Variants in MAPK6 observed in about 807,000 individuals in gnomAD.
The protein encoded by MAPK6 is mitogen-activated protein kinase 6, also known as ERK-3.
Under a neutral mutation model 59.3 loss-of-function variants are expected in MAPK6, and 19 were observed. The observed-to-expected ratio is 0.32, with a 90% CI of 0.22 to 0.47. MAPK6 has a LOEUF of 0.47. Ranked by LOEUF, MAPK6 falls within the 20% of genes least tolerant of loss-of-function variation. MAPK6 has a pLI of 1.00. For synonymous variants in MAPK6, 316 were observed against 290.3 expected (o/e 1.09, Z -0.90); for missense variants, 724 against 847.9 (o/e 0.85, Z 1.81).
chr15:51,975,695 G>A (rs2057155346), intron 1 of MAPK6, among the ~76,000 whole-genome samples: 1 of 151,768 alleles, frequency 6.6e-6, no homozygotes, highest in South Asian at 2.1e-4. Flanking sequence ...ATGGTAAACT[G>A]CCACTCCACA....
At chr15:52,007,774 C>T (rs2029941364) in intron 3 of MAPK6, among the ~76,000 whole-genome samples, 2 of 150,052 alleles carry the variant, frequency 1.3e-5, no homozygotes, top group Admixed American at 1.3e-4. Context: ...TTAGCTCTTA[C>T]ATATATATAT....
chr15:52,020,657 G>A (rs1221051608), intron 1 of MAPK6, among the ~76,000 whole-genome samples: 1 of 152,118 alleles, frequency 6.6e-6, no homozygotes, highest in African/African-American at 2.4e-5. Flanking sequence ...AAGAATGTAG[G>A]GTCCAAACAG....
rs575723494 is a variant in MAPK6 at position 52,029,461 on chromosome 15, A to G, written c.-632+10085A>G. Reference sequence around the variant, plus strand: ...GGTCTCATTCAACTCATTGTTTTAAATGCCATCTGTATGTGAATAATTCTC... The same window carrying G: ...GGTCTCATTCAACTCATTGTTTTAAGTGCCATCTGTATGTGAATAATTCTC... On this transcript the variant is annotated intron_variant, in intron 1 of 5. Coordinates refer to ENST00000261845, the MANE Select transcript of MAPK6 (RefSeq NM_002748.4). Among the ~76,000 whole-genome samples the G allele has an allele frequency of 9.2e-5, 14 of 152,110 alleles. No individual in the cohort carries two copies. The East Asian group carries it at 2.7e-3, about 29-fold the overall frequency.
Position 52,063,952 on chromosome 15 carries a change from TTGATATTGA to T in MAPK6, c.1122_1130del (p.Asp374_Asp376del). ...CATGATTGGCCTGTACATAACAACTTTGATATTGATGAAGTTCAGCTTGATCCAAGAGCT... is the reference window on the plus strand; with the variant it reads ...CATGATTGGCCTGTACATAACAACTTTGAAGTTCAGCTTGATCCAAGAGCT... On this transcript the variant is annotated inframe_deletion, in exon 6 of 6. Transcript: ENST00000261845. The T allele has an allele frequency of 6.2e-7, 1 of 1,602,154 alleles. No individual in the cohort carries two copies. The highest frequency in any genetic ancestry group is 8.5e-7 in the Non-Finnish European group (1 of 1,174,452).
At chr15:51,971,851 C>T (rs2057127727) in exon 1 of MAPK6, 2 of 1,238,674 alleles carry the variant, frequency 1.6e-6, no homozygotes, top group Middle Eastern at 1.9e-4. Context: ...GCCGAAGACA[C>T]TCCTTTCCTT....
intron 2 of MAPK6, among the ~76,000 whole-genome samples, chr15:51,984,447 ATTTTTTTTTTTTTTTT>A (rs71130112): frequency 2.9e-5 from 2 of 69,984 alleles, no homozygotes; most frequent in African/African-American, 6.6e-5. Context: ...ACGCCGGCTA[ATTTTTTTTTTTTTTTT>A]TTTTTTTTTT....
At chr15:52,007,741 C>G (rs1363519252) in intron 3 of MAPK6, among the ~76,000 whole-genome samples, 1 of 150,716 alleles carries the variant, frequency 6.6e-6, no homozygotes, top group African/African-American at 2.4e-5. Flanking sequence ...GTGGACTCAC[C>G]AAAATGACAT....
intron 3 of MAPK6, among the ~76,000 whole-genome samples, chr15:52,013,395 C>T (rs1194076600): frequency 2.0e-5 from 3 of 151,894 alleles, no homozygotes; most frequent in Non-Finnish European, 2.9e-5. Flanking sequence ...GTTTGTATTG[C>T]GAAACTCTAT....
chr15:52,019,994 C>T (rs1033464719), intron 1 of MAPK6: 1 of 152,530 alleles, frequency 6.6e-6, no homozygotes, highest in Non-Finnish European at 1.5e-5. Context: ...TCTCAGAGCC[C>T]TGAAGTCCGC....
At position 52,065,159 on chromosome 15, in the gene MAPK6, A is replaced by T. The variant is rs1470617149; in HGVS notation, c.*159A>T. On this transcript the variant is annotated 3_prime_UTR_variant, in exon 6 of 6. Transcript: ENST00000261845. ...TAAAATCCAGACTTTCTTTTTCTAC[A>T]TGTGAGATAGTTTTCATTTTAACTG... The T allele has an allele frequency of 3.1e-6, 2 of 638,184 alleles. No homozygotes were observed. Among genetic ancestry groups the T allele is most frequent in the Non-Finnish European group, 2.5e-6 (1 of 406,462 alleles). 39.5% of individuals were successfully genotyped at this position (638,184 alleles called of 1,614,324 possible).
In MAPK6 at chr15:52,046,568, T is replaced by C; in HGVS notation, c.108T>C (p.Ser36=). Residue 36 remains serine, a synonymous_variant, in exon 2 of 6, where the codon TCT becomes TCC. Transcript: ENST00000261845. ...GTGGAGGCAATGGCTTGGTTTTTTC[T>C]GCTGTAGACAATGACTGTGACAAAA... ...LGCGGNGLVF[S]AVDNDCDKRV... 1.2e-6 allele frequency: 2 copies of C among 1,614,168 alleles called. No homozygotes were observed. The highest frequency in any genetic ancestry group is 2.2e-5 in the East Asian group (1 of 44,884).
At chr15:52,009,611 G>T (rs2029995594) in intron 3 of MAPK6, among the ~76,000 whole-genome samples, 1 of 152,018 alleles carries the variant, frequency 6.6e-6, no homozygotes, top group Non-Finnish European at 1.5e-5. Context: ...GGGCTCTTTG[G>T]ATTATTTATT....
intron 2 of MAPK6, among the ~76,000 whole-genome samples, chr15:51,999,866 A>G (rs1421948399): frequency 1.3e-5 from 2 of 151,376 alleles, no homozygotes; most frequent in Non-Finnish European, 2.9e-5. Context: ...CTGGTTTTGA[A>G]CTCCTGAGCT....
intron 2 of MAPK6, among the ~76,000 whole-genome samples, chr15:52,000,196 C>A (rs2057238146): frequency 6.6e-6 from 1 of 152,146 alleles, no homozygotes; most frequent in African/African-American, 2.4e-5. Context: ...GCCTCAGCCT[C>A]CCAAAGTATT....
Position 52,065,146 on chromosome 15 carries a change from TTTC to T in MAPK6, c.*149_*151del. On this transcript the variant is annotated 3_prime_UTR_variant, in exon 6 of 6. Transcript: ENST00000261845. ...AGTTCTTGTTTTTTAAAATCCAGAC[TTTC>T]TTTTTCTACATGTGAGATAGTTTTC... 1 of 709,956 alleles carries T rather than the reference TTTC, an allele frequency of 1.4e-6. No homozygotes were observed. The highest frequency in any genetic ancestry group is 2.1e-6 in the Non-Finnish European group (1 of 467,944). The allele number at this position is 709,956 out of a possible 1,614,324, so 44.0% of individuals were successfully genotyped here. A position where few individuals can be genotyped will look rare whatever the true frequency, so the allele number is the denominator to read the frequency against.
At chr15:52,026,362 G>A (rs933083465) in intron 1 of MAPK6, among the ~76,000 whole-genome samples, 4 of 152,062 alleles carry the variant, frequency 2.6e-5, no homozygotes, top group Non-Finnish European at 4.4e-5. Context: ...TGTGATCTTC[G>A]CTCACTGCAG....
At chr15:51,989,251 T>C (rs980660878) in intron 2 of MAPK6, among the ~76,000 whole-genome samples, 3 of 151,962 alleles carry the variant, frequency 2.0e-5, no homozygotes, top group Non-Finnish European at 4.4e-5. Flanking sequence ...TGCTAATTTT[T>C]GTATTTTTGT....
intron 1 of MAPK6, among the ~76,000 whole-genome samples, chr15:52,034,373 G>A (rs1595987200): frequency 7.1e-6 from 1 of 140,350 alleles, no homozygotes; most frequent in African/African-American, 2.7e-5. Context: ...GAGCACGATG[G>A]CTGATCTCGG....
chr15:52,037,503 G>C (rs867755349), intron 1 of MAPK6, among the ~76,000 whole-genome samples: 11 of 152,258 alleles, frequency 7.2e-5, no homozygotes, highest in African/African-American at 2.6e-4. Flanking sequence ...TTAGAGTCCT[G>C]CTTGACTGAT....
Sources: allele counts gnomAD v4.1 joint callset (sites outside exome capture counted in the v4.1 genomes callset), GRCh38; gene constraint gnomAD v4.1.1; transcripts MANE v1.5; gene names NCBI Gene and HGNC (gene_info 2026-07-23, HGNC 2026-07-21).